Variants in SMYD3 observed in about 807,000 individuals in gnomAD.
SMYD3 encodes the protein histone-lysine N-methyltransferase SMYD3.
In SMYD3, 36 loss-of-function variants were observed where a neutral mutation model predicts 57.7. That is an observed-to-expected ratio of 0.62 (90% CI 0.48 to 0.82). The LOEUF is 0.82. Among genes scored for constraint, SMYD3 ranks in the 40% least tolerant of loss-of-function variants. The pLI is 0.00. For synonymous variants in SMYD3, 211 were observed against 195.0 expected, an observed-to-expected ratio of 1.08 and a Z score of -0.68; for missense variants, 515 against 538.8, an observed-to-expected ratio of 0.96 and a Z score of 0.44.
At chr1:246,167,889 T>C (rs1014687036) in intron 5 of SMYD3, among the ~76,000 whole-genome samples, 1 of 152,226 alleles carries the variant, frequency 6.6e-6, no homozygotes, top group Non-Finnish European at 1.5e-5. Flanking sequence ...GCCATTTGTA[T>C]ATCTTCTTTG....
intron 5 of SMYD3, among the ~76,000 whole-genome samples, chr1:246,177,013 T>C (rs1446927029): frequency 6.6e-6 from 1 of 152,232 alleles, no homozygotes; most frequent in African/African-American, 2.4e-5. Context: ...AAATTGTTTT[T>C]AGGCCTGCTG....
intron 10 of SMYD3, among the ~76,000 whole-genome samples, chr1:245,788,518 C>A (rs1364678937): frequency 6.6e-6 from 1 of 152,122 alleles, no homozygotes; most frequent in Non-Finnish European, 1.5e-5. Flanking sequence ...CTGTTTAGAG[C>A]CAGAAGGAAG....
chr1:246,282,302 CTACAAAAAAAAAAAA>C (rs1167828839), intron 5 of SMYD3, among the ~76,000 whole-genome samples: 2 of 45,438 alleles, frequency 4.4e-5, no homozygotes, highest in East Asian at 7.1e-4. Flanking sequence ...ACCCTCATCT[CTACAAAAAAAAAAAA>C]AAAAAAAAAA....
intron 8 of SMYD3, among the ~76,000 whole-genome samples, chr1:245,906,846 G>T (rs1438851465): frequency 2.0e-5 from 3 of 152,162 alleles, no homozygotes; most frequent in Non-Finnish European, 4.4e-5. Flanking sequence ...GTAACAACAT[G>T]GATGGAAATG....
chr1:245,833,511 T>C (rs1401122101), intron 10 of SMYD3, among the ~76,000 whole-genome samples: 2 of 152,152 alleles, frequency 1.3e-5, no homozygotes, highest in Non-Finnish European at 2.9e-5. Flanking sequence ...TTGTAAAAAA[T>C]GCCACAGAAG....
At chr1:246,248,118 G>A (rs1380992526) in intron 5 of SMYD3, among the ~76,000 whole-genome samples, 8 of 152,112 alleles carry the variant, frequency 5.3e-5, no homozygotes, top group Non-Finnish European at 8.8e-5. Context: ...TAAAAGGTTC[G>A]GATACTGAGC....
At chr1:245,838,183 T>C (rs1209856885) in intron 10 of SMYD3, among the ~76,000 whole-genome samples, 1 of 152,240 alleles carries the variant, frequency 6.6e-6, no homozygotes, top group African/African-American at 2.4e-5. Context: ...CAACTAAAAT[T>C]GCAATGACAG....
At chr1:245,869,246 A>T (rs1362162719) in intron 8 of SMYD3, among the ~76,000 whole-genome samples, 3 of 152,212 alleles carry the variant, frequency 2.0e-5, no homozygotes, top group Non-Finnish European at 4.4e-5. Flanking sequence ...CAAATGCTAA[A>T]AAGAATTCAG....
In SMYD3 at chr1:246,355,081, T is replaced by A. The variant is rs1222390766; in HGVS notation, c.178A>T (p.Met60Leu). ...GCGACGCGGCACTGAGAGCATCGCA[T>A]CAGCTTTTCCTTCCTGTGGGGAAAA... is the stretch of plus-strand genomic sequence containing the variant. ...DRCLLGKEKL[M>L]RCSQCRVAKY... is the part of the protein sequence containing the mutation. The change falls in exon 2 of 12, where the codon ATG becomes TTG. Residue 60 changes from methionine (M) to leucine (L), a missense_variant. Coordinates refer to ENST00000490107, the MANE Select transcript of SMYD3 (RefSeq NM_001167740.2). This position sits in a 1 kb window ranked among gnomAD's most constrained non-coding sequence, Gnocchi z 5.0. 1.2e-6 allele frequency: 2 copies of A among 1,614,060 alleles called. No individual in the cohort carries two copies. The highest frequency in any genetic ancestry group is 1.3e-5 in the African/African-American group (1 of 74,934).
chr1:246,040,289 C>T (rs1293026749), intron 5 of SMYD3, among the ~76,000 whole-genome samples: 1 of 152,154 alleles, frequency 6.6e-6, no homozygotes, highest in African/African-American at 2.4e-5. Flanking sequence ...GAACATGACC[C>T]GGATTCAAGC....
At chr1:245,843,552 G>A (rs796446385) in intron 10 of SMYD3, among the ~76,000 whole-genome samples, 44,187 of 121,492 alleles carry the variant, frequency 0.36, 7,326 homozygotes, top group East Asian at 0.63. Flanking sequence ...GTGTGTGTGT[G>A]TGTGTGTGTG....
chr1:245,999,516 C>T (rs1438568384), intron 5 of SMYD3, among the ~76,000 whole-genome samples: 1 of 151,906 alleles, frequency 6.6e-6, no homozygotes, highest in African/African-American at 2.4e-5. Flanking sequence ...AGATTTAAAC[C>T]CAGAAACTCT....
intron 8 of SMYD3, among the ~76,000 whole-genome samples, chr1:245,864,339 C>A (rs945132870): frequency 2.6e-5 from 4 of 152,054 alleles, no homozygotes; most frequent in African/African-American, 9.7e-5. Flanking sequence ...TTCATAATAG[C>A]CAAAAAATGG....
chr1:245,863,706 T>C, intron 9 of SMYD3, 93 bp downstream of exon 9: 2 of 1,178,866 alleles, frequency 1.7e-6, no homozygotes, highest in Non-Finnish European at 2.5e-6. Context: ...CATGGAGAGG[T>C]CAAACCCCGC....
intron 1 of SMYD3, among the ~76,000 whole-genome samples, chr1:246,418,314 C>T (rs1445204404): frequency 6.6e-6 from 1 of 152,208 alleles, no homozygotes; most frequent in African/African-American, 2.4e-5. Context: ...CCCTTGTCCC[C>T]CTCTGCCACA....
intron 5 of SMYD3, among the ~76,000 whole-genome samples, chr1:245,993,563 T>C (rs1396608133): frequency 1.3e-5 from 1 of 77,590 alleles, no homozygotes; most frequent in African/African-American, 3.2e-5. Context: ...AGCAAGACGT[T>C]GTCTCAAAAA....
chr1:245,807,932 A>G (rs1440527321), intron 10 of SMYD3, among the ~76,000 whole-genome samples: 8 of 152,212 alleles, frequency 5.3e-5, no homozygotes, highest in Admixed American at 5.2e-4. Context: ...TTAATTTTTA[A>G]TAGTCGTTAT....
chr1:246,441,251 C>T (rs756705186), intron 1 of SMYD3, among the ~76,000 whole-genome samples: 9 of 152,072 alleles, frequency 5.9e-5, no homozygotes, highest in South Asian at 4.1e-4. Flanking sequence ...CATTTGTGTA[C>T]GTTTCCTTAC....
At chr1:245,920,134 A>G (rs1327016918) in intron 7 of SMYD3, among the ~76,000 whole-genome samples, 1 of 152,074 alleles carries the variant, frequency 6.6e-6, no homozygotes, top group African/African-American at 2.4e-5. Context: ...TAACACGGTG[A>G]AACCCCGTCT....
Sources: allele counts gnomAD v4.1 joint callset (sites outside exome capture counted in the v4.1 genomes callset), GRCh38; gene constraint gnomAD v4.1.1; non-coding constraint Gnocchi (gnomAD v3.1); transcripts MANE v1.5; gene names NCBI Gene and HGNC (gene_info 2026-07-23, HGNC 2026-07-21).